The following PRDM11 variants were observed in gnomAD, a reference collection of about 807,000 sequenced individuals.
The protein encoded by PRDM11 is PR/SET domain 11.
A neutral mutation model predicts 97.8 loss-of-function variants in PRDM11; 20 were observed. That is an observed-to-expected ratio of 0.20 (90% CI 0.14 to 0.30). The LOEUF (loss-of-function observed/expected upper bound fraction) is 0.30, where lower values mean the gene tolerates loss of function less well. Ranked by LOEUF, PRDM11 falls within the 10% of genes least tolerant of loss-of-function variation. The pLI is 1.00. For synonymous variants in PRDM11, 599 were observed against 637.7 expected, an observed-to-expected ratio of 0.94 and a Z score of 0.91; for missense variants, 1,139 against 1,555.2, an observed-to-expected ratio of 0.73 and a Z score of 4.50.
At chr11:45,099,846 A>G (rs1288453890) in intron 1 of PRDM11, among the ~76,000 whole-genome samples, 2 of 152,248 alleles carry the variant, frequency 1.3e-5, no homozygotes, top group African/African-American at 4.8e-5. Context: ...TCTGAAGCTC[A>G]TGCACTTTAC....
intron 5 of PRDM11, among the ~76,000 whole-genome samples, chr11:45,206,229 G>A (rs961602164): frequency 2.0e-5 from 3 of 150,518 alleles, no homozygotes; most frequent in South Asian, 2.2e-4. Flanking sequence ...GGCCCTTCCC[G>A]GGCTCACACC....
chr11:45,141,437 T>C (rs1351496090), intron 1 of PRDM11, among the ~76,000 whole-genome samples: 1 of 152,198 alleles, frequency 6.6e-6, no homozygotes, highest in Non-Finnish European at 1.5e-5. Flanking sequence ...AACTGTGTGA[T>C]AATAAATGTT....
chr11:45,188,254 C>T (rs1852781347), intron 4 of PRDM11, among the ~76,000 whole-genome samples: 2 of 152,328 alleles, frequency 1.3e-5, no homozygotes, highest in South Asian at 4.1e-4. Context: ...AGCATAATCT[C>T]ATCTGATCCT....
intron 1 of PRDM11, among the ~76,000 whole-genome samples, chr11:45,098,468 G>A (rs1378821041): frequency 6.6e-6 from 1 of 152,180 alleles, no homozygotes; most frequent in Non-Finnish European, 1.5e-5. Flanking sequence ...ACGAGATAGA[G>A]GTTGGCATGA....
At chr11:45,137,316 C>A (rs1197500339) in intron 1 of PRDM11, among the ~76,000 whole-genome samples, 1 of 151,834 alleles carries the variant, frequency 6.6e-6, no homozygotes, top group African/African-American at 2.4e-5. Flanking sequence ...GCCTGTAACC[C>A]CAGCTACTCG....
intron 4 of PRDM11, among the ~76,000 whole-genome samples, chr11:45,200,899 A>G (rs1371668417): frequency 6.6e-6 from 1 of 152,230 alleles, no homozygotes. Flanking sequence ...CCTCCAGAGT[A>G]ATGAGAGTTG....
chr11:45,147,182 T>C (rs1248458519), intron 1 of PRDM11, among the ~76,000 whole-genome samples: 1 of 151,606 alleles, frequency 6.6e-6, no homozygotes, highest in African/African-American at 2.4e-5. Flanking sequence ...CTTGTTACAA[T>C]GTAGCCTTTT....
chr11:45,133,132 T>G (rs1311891837), intron 1 of PRDM11, among the ~76,000 whole-genome samples: 3 of 152,382 alleles, frequency 2.0e-5, no homozygotes, highest in Middle Eastern at 3.4e-3. Flanking sequence ...TATTTAACTC[T>G]GCCTTCTCTT....
At chr11:45,212,917 A>C in intron 5 of PRDM11, 1 of 415,228 alleles carries the variant, frequency 2.4e-6, no homozygotes, top group Non-Finnish European at 4.9e-6. Context: ...CAGAAGGGGC[A>C]GACCCTACGG....
intron 1 of PRDM11, among the ~76,000 whole-genome samples, chr11:45,139,229 C>T (rs1852943210): frequency 6.6e-6 from 1 of 152,158 alleles, no homozygotes; most frequent in Non-Finnish European, 1.5e-5. Flanking sequence ...AGAACTGACA[C>T]AGGCATGAAC....
In PRDM11 at chr11:45,199,582, C is replaced by G. The variant is rs996031422; in HGVS notation, c.487-5129C>G. The stretch of plus-strand genomic sequence containing the variant: ...AGGCCTTGTACCACAATGCTCAGAG[C>G]TTCTGGGCTGGTCCAAAGTGCTGAG... On this transcript the variant is annotated intron_variant, in intron 4 of 7. Coordinates refer to ENST00000683152, the MANE Select transcript of PRDM11 (RefSeq NM_001384648.1). 2.6e-5 allele frequency among the ~76,000 whole-genome samples: 4 copies of G among 152,194 alleles called. No homozygotes were observed. In the East Asian group the frequency reaches 7.7e-4, roughly 29 times the overall value.
chr11:45,102,486 T>G (rs1851995101), intron 1 of PRDM11, among the ~76,000 whole-genome samples: 1 of 152,154 alleles, frequency 6.6e-6, no homozygotes, highest in South Asian at 2.1e-4. Flanking sequence ...GCACCCCAGC[T>G]GGGGCCCCAA....
upstream of PRDM11, among the ~76,000 whole-genome samples, chr11:45,146,049 T>C (rs1851500465): frequency 6.6e-6 from 1 of 152,222 alleles, no homozygotes; most frequent in African/African-American, 2.4e-5. Context: ...TTGAAGAACA[T>C]GTGCGATTCG....
intron 4 of PRDM11, among the ~76,000 whole-genome samples, chr11:45,199,482 C>A (rs1348796878): frequency 6.6e-6 from 1 of 152,206 alleles, no homozygotes; most frequent in Non-Finnish European, 1.5e-5. Context: ...TTTCTCAGGC[C>A]TCTTCTTCTC....
At chr11:45,144,175 C>T (rs1410124802), upstream of PRDM11, among the ~76,000 whole-genome samples, 1 of 152,210 alleles carries the variant, frequency 6.6e-6, no homozygotes, top group African/African-American at 2.4e-5. Flanking sequence ...GGGGCAGTTT[C>T]TTGAGGGCAA....
intron 4 of PRDM11, among the ~76,000 whole-genome samples, chr11:45,200,534 T>TG (rs1374241053): frequency 6.6e-6 from 1 of 152,220 alleles, no homozygotes; most frequent in East Asian, 1.9e-4. Flanking sequence ...TCAGCTTGTG[T>TG]GCAGTGAAGC....
intron 5 of PRDM11, among the ~76,000 whole-genome samples, chr11:45,215,433 G>A (rs868006203): frequency 8.5e-5 from 13 of 152,198 alleles, no homozygotes; most frequent in African/African-American, 2.7e-4. Flanking sequence ...ATTTCCGAGA[G>A]ATGCAAAGAT....
intron 5 of PRDM11, chr11:45,216,278 C>T (rs1853953395): frequency 6.6e-6 from 1 of 152,162 alleles, no homozygotes. Context: ...TTCTCTGTGC[C>T]TTCTCTCAAG....
Position 45,234,536 on chromosome 11 carries a change from C to T in PRDM11, c.*6377C>T, listed in dbSNP as rs1356431873. 2.0e-5 allele frequency: 3 copies of T among 152,262 alleles called. No homozygotes were observed. Among genetic ancestry groups the T allele is most frequent in the African/African-American group, 4.8e-5 (2 of 41,438 alleles). The allele number at this position is 152,262 out of a possible 1,614,324, so 9.4% of individuals were successfully genotyped here. ...TGGCTCAAGAGAGACCAGGCCGGGC[C>T]GAGCCTTCTTCCCACTGCAGTGGAC... On this transcript the variant is annotated 3_prime_UTR_variant, in exon 8 of 8. Transcript: ENST00000683152.
Sources: allele counts gnomAD v4.1 joint callset (sites outside exome capture counted in the v4.1 genomes callset), GRCh38; gene constraint gnomAD v4.1.1; transcripts MANE v1.5; gene names NCBI Gene and HGNC (gene_info 2026-07-23, HGNC 2026-07-21).